TNFAIP8: variants seen among roughly 807,000 people sequenced by gnomAD.
TNFAIP8 encodes tumor necrosis factor alpha-induced protein 8.
TNFAIP8 carries 7 observed loss-of-function variants against 13.3 expected under a neutral mutation model. That is an observed-to-expected ratio of 0.52 (90% CI 0.30 to 0.99). The LOEUF is 0.99. TNFAIP8 is among the 50% of genes least tolerant of loss of function. The pLI is 0.07. For synonymous variants in TNFAIP8, 94 were observed against 87.6 expected, an observed-to-expected ratio of 1.07 and a Z score of -0.41; for missense variants, 258 against 236.9, an observed-to-expected ratio of 1.09 and a Z score of -0.58.
chr5:119,380,873 A>T (rs1280274112), intron 1 of TNFAIP8, among the ~76,000 whole-genome samples: 1 of 152,194 alleles, frequency 6.6e-6, no homozygotes, highest in Non-Finnish European at 1.5e-5. Context: ...TTTAGAAAAC[A>T]TTTTATCTAT....
intron 1 of TNFAIP8, among the ~76,000 whole-genome samples, chr5:119,338,276 C>T (rs558720548): frequency 2.0e-5 from 3 of 152,056 alleles, no homozygotes; most frequent in Non-Finnish European, 4.4e-5. Flanking sequence ...CAGGCAGCCA[C>T]CCCCAGTATG....
intron 1 of TNFAIP8, among the ~76,000 whole-genome samples, chr5:119,316,877 A>G (rs1205883136): frequency 6.6e-6 from 1 of 152,186 alleles, no homozygotes; most frequent in Non-Finnish European, 1.5e-5. Flanking sequence ...TGCTGCTGGT[A>G]TCTAGTGGGT....
chr5:119,362,263 G>A (rs1405142909), intron 1 of TNFAIP8, among the ~76,000 whole-genome samples: 5 of 152,162 alleles, frequency 3.3e-5, no homozygotes, highest in Non-Finnish European at 7.4e-5. Flanking sequence ...TGTGTGCTGG[G>A]ATCAGGAAGA....
intron 1 of TNFAIP8, among the ~76,000 whole-genome samples, chr5:119,364,137 G>T (rs566042164): frequency 3.9e-5 from 6 of 152,274 alleles, no homozygotes; most frequent in Non-Finnish European, 8.8e-5. Flanking sequence ...TGCCCAGAGT[G>T]GGGGAACTGA....
At chr5:119,312,192 T>C (rs371603225) in intron 1 of TNFAIP8, among the ~76,000 whole-genome samples, 24 of 152,154 alleles carry the variant, frequency 1.6e-4, no homozygotes, top group African/African-American at 5.1e-4. Flanking sequence ...TGGGAATGGA[T>C]TGGGGAGGAG....
intron 1 of TNFAIP8, among the ~76,000 whole-genome samples, chr5:119,281,644 TA>T (rs1039206785): frequency 2.6e-5 from 4 of 152,168 alleles, no homozygotes; most frequent in Non-Finnish European, 4.4e-5. Flanking sequence ...TTTCCCACCT[TA>T]AAAAAATGGT....
rs183123272 is a variant in TNFAIP8, at chr5:119,366,818, C to T, written c.31+10697C>T. Among the ~76,000 whole-genome samples the T allele has an allele frequency of 2.8e-3, 426 of 152,310 alleles. 1 individual carries two copies. Among genetic ancestry groups the T allele is most frequent in the African/African-American group, 0.01 (416 of 41,566 alleles). On this transcript the variant is annotated intron_variant, in intron 1 of 1. Coordinates refer to ENST00000504771, the MANE Select transcript of TNFAIP8 (RefSeq NM_014350.4). ...AATTATTTGGCTTACTTGGCCATAG[C>T]TCTGACTTGGTGATTAGGCTGATGA...
At chr5:119,305,893 C>T (rs1291403139) in intron 1 of TNFAIP8, among the ~76,000 whole-genome samples, 1 of 152,206 alleles carries the variant, frequency 6.6e-6, no homozygotes, top group Non-Finnish European at 1.5e-5. Flanking sequence ...AATCTCCATC[C>T]TCTGAGGGCT....
intron 1 of TNFAIP8, among the ~76,000 whole-genome samples, chr5:119,358,449 T>C (rs1370486567): frequency 2.0e-5 from 3 of 152,230 alleles, no homozygotes; most frequent in Non-Finnish European, 2.9e-5. Flanking sequence ...AAATAATTGA[T>C]TTAATTTTTC....
At chr5:119,310,196 A>G (rs1007160150) in intron 1 of TNFAIP8, among the ~76,000 whole-genome samples, 2 of 152,230 alleles carry the variant, frequency 1.3e-5, no homozygotes, top group African/African-American at 4.8e-5. Context: ...TGTAGAGGTT[A>G]GGAAACAGAT....
intron 1 of TNFAIP8, among the ~76,000 whole-genome samples, chr5:119,275,848 T>G (rs1322204255): frequency 6.6e-6 from 1 of 152,144 alleles, no homozygotes; most frequent in Non-Finnish European, 1.5e-5. Flanking sequence ...ATTTAAATAT[T>G]TGAACAGAGA....
intron 1 of TNFAIP8, among the ~76,000 whole-genome samples, chr5:119,375,524 T>G (rs1167782123): frequency 1.3e-5 from 2 of 152,232 alleles, no homozygotes; most frequent in Non-Finnish European, 2.9e-5. Flanking sequence ...AGAGAAGTAA[T>G]TAATCTTCAA....
chr5:119,373,651 T>C (rs1044742114), intron 1 of TNFAIP8, among the ~76,000 whole-genome samples: 4 of 152,232 alleles, frequency 2.6e-5, no homozygotes, highest in Non-Finnish European at 5.9e-5. Flanking sequence ...CGGAAGGGAT[T>C]GGCATGAAGC....
intron 1 of TNFAIP8, among the ~76,000 whole-genome samples, chr5:119,319,104 A>G (rs1005460253): frequency 2.0e-5 from 3 of 152,200 alleles, no homozygotes; most frequent in Non-Finnish European, 4.4e-5. Context: ...AACTTAATTT[A>G]TAATTGCATT....
intron 1 of TNFAIP8, among the ~76,000 whole-genome samples, chr5:119,361,689 G>T (rs1490078526): frequency 6.6e-6 from 1 of 152,202 alleles, no homozygotes; most frequent in Non-Finnish European, 1.5e-5. Flanking sequence ...AGCAGCTCAT[G>T]AATTTTCCTT....
intron 1 of TNFAIP8, among the ~76,000 whole-genome samples, chr5:119,345,175 T>A (rs1249480884): frequency 6.6e-6 from 1 of 152,236 alleles, no homozygotes; most frequent in East Asian, 1.9e-4. Flanking sequence ...AATAATGTTT[T>A]TACGTTACTC....
intron 1 of TNFAIP8, among the ~76,000 whole-genome samples, chr5:119,347,582 A>T (rs751241439): frequency 1.4e-4 from 21 of 152,232 alleles, no homozygotes; most frequent in Admixed American, 1.3e-4. Context: ...TTTGTGAATC[A>T]TAACTAGTAT....
intron 1 of TNFAIP8, among the ~76,000 whole-genome samples, chr5:119,349,102 G>A (rs755926894): frequency 6.6e-6 from 1 of 152,058 alleles, no homozygotes; most frequent in Admixed American, 6.6e-5. Context: ...CTCTCATGCT[G>A]TTTCCATTTT....
At chr5:119,373,685 G>A (rs553423649) in intron 1 of TNFAIP8, among the ~76,000 whole-genome samples, 3 of 152,236 alleles carry the variant, frequency 2.0e-5, no homozygotes, top group Non-Finnish European at 4.4e-5. Flanking sequence ...ACGTGTGGTT[G>A]TTTCCCAAAT....
Sources: allele counts gnomAD v4.1 joint callset (sites outside exome capture counted in the v4.1 genomes callset), GRCh38; gene constraint gnomAD v4.1.1; transcripts MANE v1.5; gene names NCBI Gene and HGNC (gene_info 2026-07-23, HGNC 2026-07-21).